The following COQ8A variants were observed in gnomAD, a reference collection of about 807,000 sequenced individuals.
The protein encoded by COQ8A is atypical kinase COQ8A, mitochondrial.
COQ8A carries 51 observed loss-of-function variants against 65.0 expected under a neutral mutation model. The observed-to-expected ratio is 0.78, with a 90% CI of 0.63 to 0.99. The LOEUF (loss-of-function observed/expected upper bound fraction) is 0.99, where lower values mean the gene tolerates loss of function less well. Ranked by LOEUF, COQ8A falls within the 50% of genes least tolerant of loss-of-function variation. The pLI is 0.00. For synonymous variants in COQ8A, 371 were observed against 353.2 expected, an observed-to-expected ratio of 1.05 and a Z score of -0.57; for missense variants, 940 against 875.0, an observed-to-expected ratio of 1.07 and a Z score of -0.94.
intron 7 of COQ8A, 29 bp downstream of exon 7, chr1:226,982,792 C>G (rs1342341463): frequency 1.2e-6 from 2 of 1,613,256 alleles, no homozygotes; most frequent in Middle Eastern, 3.3e-4. Context: ...TGCCCACTCT[C>G]TGTGGCCTCG....
intron 2 of COQ8A, among the ~76,000 whole-genome samples, chr1:226,962,429 C>A (rs1658306058): frequency 6.6e-6 from 1 of 152,218 alleles, no homozygotes; most frequent in Non-Finnish European, 1.5e-5. Context: ...CAGAGCACGG[C>A]CCACCATGGC....
intron 1 of COQ8A, among the ~76,000 whole-genome samples, chr1:226,948,255 C>T (rs1291633204): frequency 5.3e-5 from 8 of 152,214 alleles, no homozygotes; most frequent in African/African-American, 1.9e-4. Flanking sequence ...TGCCTGCATT[C>T]CTTGGCTTGT....
chr1:226,969,797 A>T (rs1243324016), intron 4 of COQ8A, among the ~76,000 whole-genome samples: 1 of 152,190 alleles, frequency 6.6e-6, no homozygotes, highest in East Asian at 1.9e-4. Flanking sequence ...ATAATCTTAC[A>T]ATGAGAATAT....
intron 1 of COQ8A, among the ~76,000 whole-genome samples, chr1:226,947,332 A>G (rs576578819): frequency 1.3e-5 from 2 of 152,300 alleles, no homozygotes; most frequent in African/African-American, 4.8e-5. Flanking sequence ...CTCAGCCTTG[A>G]TGAGCTTTAA....
chr1:226,942,842 G>A (rs974322362), intron 1 of COQ8A, among the ~76,000 whole-genome samples: 7 of 152,142 alleles, frequency 4.6e-5, no homozygotes, highest in African/African-American at 1.2e-4. Flanking sequence ...ACATATTTAC[G>A]TGTGTGTGGA....
At position 226,984,595 on chromosome 1, in the gene COQ8A, C is replaced by T. The variant is rs540747220; in HGVS notation, c.1446C>T (p.Phe482=). 21 of 1,614,136 alleles carry T rather than the reference C, an allele frequency of 1.3e-5. No individual in the cohort carries two copies. The African/African-American group carries it at 2.1e-4, about 16-fold the overall frequency. The change falls in exon 12 of 15, where the codon TTC becomes TTT. Residue 482 remains phenylalanine (F), a synonymous_variant. Transcript: ENST00000366777. Reference sequence around the variant, plus strand: ...TGTGCCTGAGGGAGCTGTTCGAGTTCCACTTCATGCAAACAGACCCCAACT... The same window carrying T: ...TGTGCCTGAGGGAGCTGTTCGAGTTTCACTTCATGCAAACAGACCCCAACT... ...LVLCLRELFE[F]HFMQTDPNWS...
At chr1:226,980,144 T>G (rs1298783347) in intron 5 of COQ8A, among the ~76,000 whole-genome samples, 2 of 152,216 alleles carry the variant, frequency 1.3e-5, no homozygotes, top group Non-Finnish European at 2.9e-5. Context: ...TGGCACCCTC[T>G]GGACTGGAGG....
In COQ8A at chr1:226,986,984, A is replaced by G; in HGVS notation, c.*247A>G. ...CTGCCTCCGTGTGTCCTCTGAAATA[A>G]GCAGATGAAGATGAAAGGGCAACTT... On this transcript the variant is annotated 3_prime_UTR_variant, in exon 15 of 15. Coordinates refer to ENST00000366777, the MANE Select transcript of COQ8A (RefSeq NM_020247.5). The G allele has an allele frequency of 1.7e-6, 1 of 572,564 alleles. No homozygotes were observed. Among genetic ancestry groups the G allele is most frequent in the Non-Finnish European group, 3.1e-6 (1 of 321,050 alleles). 35.5% of individuals were successfully genotyped at this position (572,564 alleles called of 1,614,324 possible).
At chr1:226,982,825 AG>A in intron 7 of COQ8A, 62 bp downstream of exon 7, 2 of 1,612,836 alleles carry the variant, frequency 1.2e-6, no homozygotes, top group Non-Finnish European at 1.7e-6. Flanking sequence ...TGGAGGGGAC[AG>A]ACTTGGGGCT....
intron 2 of COQ8A, among the ~76,000 whole-genome samples, chr1:226,963,389 C>T (rs1336569749): frequency 1.3e-5 from 2 of 152,220 alleles, no homozygotes; most frequent in Admixed American, 1.3e-4. Flanking sequence ...CTTCCACATT[C>T]ATTCAGCAGA....
At chr1:226,986,413 T>TG in intron 14 of COQ8A, 40 bp from the exon 15 acceptor site, 1 of 1,605,982 alleles carries the variant, frequency 6.2e-7, no homozygotes, top group South Asian at 1.1e-5. Context: ...TGGAGGGCTC[T>TG]GGTGTCTCGC....
intron 5 of COQ8A, among the ~76,000 whole-genome samples, chr1:226,977,749 G>T (rs1025464276): frequency 3.9e-5 from 6 of 152,038 alleles, no homozygotes; most frequent in Non-Finnish European, 7.4e-5. Flanking sequence ...GCCCAAAGTG[G>T]CCACCCAGCC....
chr1:226,955,105 C>A (rs1657606399), intron 1 of COQ8A, among the ~76,000 whole-genome samples: 1 of 152,066 alleles, frequency 6.6e-6, no homozygotes, highest in Non-Finnish European at 1.5e-5. Context: ...GCTGCATCAC[C>A]CAGTGGGAAT....
chr1:226,982,160 G>A lies in COQ8A; in HGVS notation c.853+11G>A, dbSNP rs371724775. On this transcript the variant is annotated intron_variant, in intron 6 of 14. Transcript: ENST00000366777. Reference sequence around the variant, plus strand: ...TGCTGAGCATCCAGGGTGAGTGGGCGCGGGGGCTGCTGCCCCGGGACTGCG... The same window carrying A: ...TGCTGAGCATCCAGGGTGAGTGGGCACGGGGGCTGCTGCCCCGGGACTGCG... 57 of 1,569,624 alleles carry A rather than the reference G, an allele frequency of 3.6e-5. No homozygotes were observed. The Admixed American group carries it at 3.7e-4, about 10-fold the overall frequency.
chr1:226,977,951 C>T (rs1412422886), intron 5 of COQ8A, among the ~76,000 whole-genome samples: 6 of 150,960 alleles, frequency 4.0e-5, no homozygotes, highest in Non-Finnish European at 8.9e-5. Flanking sequence ...CAAACACCCG[C>T]ACCTTACATA....
At position 226,978,613 on chromosome 1, in the gene COQ8A, G is replaced by A. The variant is rs1256882229; in HGVS notation, c.730+1090G>A. 9.0e-4 allele frequency among the ~76,000 whole-genome samples: 49 copies of A among 54,226 alleles called. 4 individuals carry two copies. Among genetic ancestry groups the A allele is most frequent in the African/African-American group, 2.7e-3 (49 of 18,420 alleles). 35.6% of individuals were successfully genotyped at this position (54,226 alleles called of 152,430 possible). On this transcript the variant is annotated intron_variant, in intron 5 of 14. Transcript: ENST00000366777. The stretch of plus-strand genomic sequence containing the variant: ...CACACACTCTACCCTCTACACACCC[G>A]CCCACCTTACACTCCACACACCCGC...
At chr1:226,951,551 G>C (rs1056753582) in intron 1 of COQ8A, among the ~76,000 whole-genome samples, 6 of 152,094 alleles carry the variant, frequency 3.9e-5, no homozygotes, top group African/African-American at 1.4e-4. Flanking sequence ...GGCGAGGTGA[G>C]CCCATTTCTC....
intron 4 of COQ8A, among the ~76,000 whole-genome samples, chr1:226,973,131 G>T (rs1395900264): frequency 2.6e-5 from 4 of 152,250 alleles, no homozygotes; most frequent in Non-Finnish European, 2.9e-5. Flanking sequence ...ACAAGTGGCA[G>T]GCAGTGACGC....
rs1452907041 is a variant in COQ8A at position 226,985,277 on chromosome 1, G to A, written c.1596G>A (p.Arg532=). The A allele has an allele frequency of 5.0e-6, 8 of 1,613,788 alleles. No homozygotes were observed. Among genetic ancestry groups the A allele is most frequent in the Non-Finnish European group, 4.2e-6 (5 of 1,180,020 alleles). Residue 532 remains arginine, a synonymous_variant, in exon 14 of 15, where the codon AGG becomes AGA. Transcript: ENST00000366777. ...AGATCATCAGGGCTGCTGCCGACAG[G>A]GACAGGGAGACTGTGCGGGCGAAAT... is the stretch of plus-strand genomic sequence containing the variant. ...YIQIIRAAAD[R]DRETVRAKSI...
Sources: allele counts gnomAD v4.1 joint callset (sites outside exome capture counted in the v4.1 genomes callset), GRCh38; gene constraint gnomAD v4.1.1; transcripts MANE v1.5; gene names NCBI Gene and HGNC (gene_info 2026-07-23, HGNC 2026-07-21).